The following ELP1 variants were observed in gnomAD, a reference collection of about 807,000 sequenced individuals.
ELP1 encodes the protein elongator acetyltransferase complex subunit 1.
In ELP1, 131 loss-of-function variants were observed where a neutral mutation model predicts 183.2. The ratio of observed to expected loss-of-function variants is 0.72; its 90% CI spans 0.62 to 0.83. The LOEUF (loss-of-function observed/expected upper bound fraction) is 0.83, where lower values mean the gene tolerates loss of function less well. Among genes scored for constraint, ELP1 ranks in the 40% least tolerant of loss-of-function variants. The probability of loss-of-function intolerance (pLI) is 0.00; values close to 1 mark genes in which losing one functional copy is unlikely to be tolerated. For missense variants in ELP1, 1,550 were observed against 1,594.9 expected, an observed-to-expected ratio of 0.97 and a Z score of 0.48; for synonymous variants, 555 against 569.0, an observed-to-expected ratio of 0.98 and a Z score of 0.35.
chr9:108,912,758 T>G (rs1048356444), intron 10 of ELP1, among the ~76,000 whole-genome samples: 3 of 150,980 alleles, frequency 2.0e-5, no homozygotes, highest in Admixed American at 1.3e-4. Flanking sequence ...TTTTCGTTTT[T>G]TTTTTTTTTT....
At chr9:108,932,945 G>C (rs1587930239) in intron 1 of ELP1, among the ~76,000 whole-genome samples, 1 of 152,216 alleles carries the variant, frequency 6.6e-6, no homozygotes, top group South Asian at 2.1e-4. Flanking sequence ...CCTGATAACT[G>C]CTTCATTTTC....
rs755847951 is a variant in ELP1, at chr9:108,929,790, G to C, written c.282C>G (p.Leu94=). The change falls in exon 3 of 37, where the codon CTC becomes CTG. Residue 94 remains leucine, a synonymous_variant. Coordinates refer to ENST00000374647, the MANE Select transcript of ELP1 (RefSeq NM_003640.5). ...CVATASGDVI[L]CSLSTQQLEC... Reference sequence around the variant, plus strand: ...TTACCTGTTGTGTGCTGAGACTGCAGAGTATGACGTCTCCAGAGGCTGTGG... The same window carrying C: ...TTACCTGTTGTGTGCTGAGACTGCACAGTATGACGTCTCCAGAGGCTGTGG... 2 of 1,613,902 alleles carry C rather than the reference G, an allele frequency of 1.2e-6. No individual in the cohort carries two copies. Among genetic ancestry groups the C allele is most frequent in the African/African-American group, 2.7e-5 (2 of 74,924 alleles).
rs749596892 is a variant in ELP1 at position 108,911,122 on chromosome 9, G to GT, written c.1247dup (p.Tyr416Ter). 1 of 1,614,144 alleles carries GT rather than the reference G, an allele frequency of 6.2e-7. No homozygotes were observed. The highest frequency in any genetic ancestry group is 8.5e-7 in the Non-Finnish European group (1 of 1,179,992). The change falls in exon 12 of 37, where the codon TAC (tyrosine) becomes TAAC (stop). Residue 416 changes from tyrosine to a stop codon, truncating the protein, a stop_gained and frameshift_variant. Transcript: ENST00000374647. LOFTEE classifies it high-confidence loss of function. ...QTVVPPPMCTYQLLFPHPVNQ... is the reference protein window; with the variant it reads ...QTVVPPPMCT ...TCACAGGGTGTGGGAACAGCAGTTG[G>GT]TAGGTGCACATGGGAGGCGGAACCA...
chr9:108,915,071 C>A (rs548411647), intron 10 of ELP1, among the ~76,000 whole-genome samples: 1 of 152,184 alleles, frequency 6.6e-6, no homozygotes, highest in African/African-American at 2.4e-5. Context: ...TATTTTCTAA[C>A]ATTTTCAAGT....
At chr9:108,920,686 C>G (rs995909105) in intron 6 of ELP1, among the ~76,000 whole-genome samples, 1 of 151,878 alleles carries the variant, frequency 6.6e-6, no homozygotes, top group Non-Finnish European at 1.5e-5. Context: ...GTAAATTATG[C>G]TCACATGAGT....
At chr9:108,874,386 C>T (rs1827615025) in intron 36 of ELP1, among the ~76,000 whole-genome samples, 1 of 152,148 alleles carries the variant, frequency 6.6e-6, no homozygotes, top group African/African-American at 2.4e-5. Context: ...AAATAAAACA[C>T]TTCATGCATA....
At chr9:108,933,092 C>A (rs981933701) in intron 1 of ELP1, among the ~76,000 whole-genome samples, 1 of 152,142 alleles carries the variant, frequency 6.6e-6, no homozygotes, top group South Asian at 2.1e-4. Flanking sequence ...ACCACTAAAC[C>A]CACATTTTCA....
rs1829195132 is a variant in ELP1, at chr9:108,910,995, A to C, written c.1360+15T>G. On this transcript the variant is annotated intron_variant, in intron 12 of 36. Coordinates refer to ENST00000374647, the MANE Select transcript of ELP1 (RefSeq NM_003640.5). ...ACTTGATTCAGAACATCTTGGCAAA[A>C]GTTTTATAACATACCACATTTATAA... 1 of 1,613,216 alleles carries C rather than the reference A, an allele frequency of 6.2e-7. No individual in the cohort carries two copies. The highest frequency in any genetic ancestry group is 2.2e-5 in the East Asian group (1 of 44,870).
intron 36 of ELP1, among the ~76,000 whole-genome samples, chr9:108,873,073 A>G (rs192102419): frequency 3.3e-5 from 5 of 152,176 alleles, no homozygotes; most frequent in Non-Finnish European, 7.4e-5. Flanking sequence ...AGGGCTTTTC[A>G]ATTTTTCTAA....
chr9:108,882,547 G>GA (rs780073028), intron 29 of ELP1, among the ~76,000 whole-genome samples: 1 of 150,332 alleles, frequency 6.7e-6, no homozygotes, highest in East Asian at 1.9e-4. Context: ...ACCACCCTTT[G>GA]AAAAAATAGT....
chr9:108,912,204 C>G (rs1335162014), intron 11 of ELP1, 60 bp downstream of exon 11: 2 of 1,284,726 alleles, frequency 1.6e-6, no homozygotes, highest in Non-Finnish European at 2.3e-6. Flanking sequence ...ACCACCACAT[C>G]TGCAGGCCCT....
chr9:108,880,018 CCCGCACGTCGATGG>C lies in ELP1; in HGVS notation c.3460+20_3460+33del. On this transcript the variant is annotated intron_variant, in intron 32 of 36. Coordinates refer to ENST00000374647, the MANE Select transcript of ELP1 (RefSeq NM_003640.5). ...TGTGGCGTTACCCAACCCCACTGCC[CCCGCACGTCGATGG>C]CCTTCACGCAGATACTCACCCAGAC... The C allele has an allele frequency of 1.5e-6, 2 of 1,328,618 alleles. No homozygotes were observed. The highest frequency in any genetic ancestry group is 1.4e-5 in the African/African-American group (1 of 69,464). The allele number at this position is 1,328,618 out of a possible 1,614,324, so 82.3% of individuals were successfully genotyped here.
intron 4 of ELP1, 107 bp downstream of exon 4, chr9:108,927,265 G>A: frequency 1.2e-6 from 1 of 859,826 alleles, no homozygotes; most frequent in Non-Finnish European, 2.0e-6. Flanking sequence ...TATTATACTG[G>A]TTCAAAGAAA....
intron 16 of ELP1, 76 bp from the exon 17 acceptor site, chr9:108,901,757 T>C (rs1416562718): frequency 6.0e-6 from 8 of 1,336,706 alleles, no homozygotes; most frequent in Non-Finnish European, 8.6e-6. Context: ...ATCACATAGT[T>C]CTACCACCCT....
At chr9:108,882,969 A>G (rs1827988658) in intron 29 of ELP1, among the ~76,000 whole-genome samples, 1 of 152,154 alleles carries the variant, frequency 6.6e-6, no homozygotes, top group African/African-American at 2.4e-5. Flanking sequence ...CAGATATAGG[A>G]TTTGCAAATA....
At chr9:108,870,158 G>A (rs1194594261) in intron 36 of ELP1, among the ~76,000 whole-genome samples, 1 of 151,978 alleles carries the variant, frequency 6.6e-6, no homozygotes, top group African/African-American at 2.4e-5. Flanking sequence ...GTAGAGACAA[G>A]GTTTCACCAT....
Position 108,926,512 on chromosome 9 carries a change from G to A in ELP1, c.466+11C>T. 1 of 1,603,916 alleles carries A rather than the reference G, an allele frequency of 6.2e-7. No individual in the cohort carries two copies. Among genetic ancestry groups the A allele is most frequent in the Non-Finnish European group, 8.5e-7 (1 of 1,172,476 alleles). ...CGTAGGTCACAAAATATTGCACAAAGCTATACTTACTTTCACCAAAATCAT... is the reference window on the plus strand; with the variant it reads ...CGTAGGTCACAAAATATTGCACAAAACTATACTTACTTTCACCAAAATCAT... On this transcript the variant is annotated intron_variant, in intron 5 of 36. Transcript: ENST00000374647.
intron 4 of ELP1, 112 bp from the exon 5 acceptor site, chr9:108,926,715 CAG>C: frequency 1.3e-6 from 1 of 759,848 alleles, no homozygotes; most frequent in South Asian, 1.5e-5. Flanking sequence ...ACAGAGCAGA[CAG>C]AATTCATCCA....
At chr9:108,895,995 C>G (rs766347601) in intron 25 of ELP1, among the ~76,000 whole-genome samples, 2 of 152,206 alleles carry the variant, frequency 1.3e-5, no homozygotes, top group Non-Finnish European at 2.9e-5. Context: ...TGGTGGCCCA[C>G]ACCTGTAATT....
Sources: gnomAD v4.1 joint callset for allele counts (sites outside exome capture counted in the v4.1 genomes callset) on GRCh38, gnomAD v4.1.1 for gene constraint, MANE v1.5 for transcripts, NCBI Gene and HGNC (gene_info 2026-07-23, HGNC 2026-07-21) for gene names.